The following MAP3K7CL variants were observed in gnomAD, a reference collection of about 807,000 sequenced individuals.
MAP3K7CL encodes the protein MAP3K7 C-terminal-like protein.
Under a neutral mutation model 18.6 loss-of-function variants are expected in MAP3K7CL, and 16 were observed. The observed-to-expected ratio is 0.86, with a 90% CI of 0.58 to 1.31. MAP3K7CL has a LOEUF of 1.31. Among genes scored for constraint, MAP3K7CL ranks in the 50% most tolerant of loss-of-function variants. MAP3K7CL has a pLI of 0.00. For missense variants in MAP3K7CL, 163 were observed against 174.4 expected, an observed-to-expected ratio of 0.93 and a Z score of 0.37; for synonymous variants, 65 against 66.8, an observed-to-expected ratio of 0.97 and a Z score of 0.13.
intron 4 of MAP3K7CL, 29 bp from the exon 5 acceptor site, chr21:29,174,683 T>G: frequency 1.2e-6 from 2 of 1,611,372 alleles, no homozygotes; most frequent in Non-Finnish European, 8.5e-7. Context: ...ATTCTGTGCT[T>G]CTTCCTGCCC....
intron 4 of MAP3K7CL, among the ~76,000 whole-genome samples, chr21:29,170,235 A>G (rs1250190650): frequency 2.6e-5 from 4 of 152,246 alleles, no homozygotes; most frequent in African/African-American, 9.6e-5. Flanking sequence ...GGATGTCTGT[A>G]TAATTACTTA....
chr21:29,133,019 G>A (rs2832207), intron 1 of MAP3K7CL, among the ~76,000 whole-genome samples: 30,806 of 151,984 alleles, frequency 0.2, 3,688 homozygotes, highest in East Asian at 0.4. Flanking sequence ...GAACTGGTCC[G>A]TGTAAAAAGA....
At chr21:29,116,690 T>C (rs1271986927) in intron 4 of MAP3K7CL, among the ~76,000 whole-genome samples, 3 of 152,194 alleles carry the variant, frequency 2.0e-5, no homozygotes, top group Non-Finnish European at 4.4e-5. Context: ...GGGAATGTCA[T>C]TCTTGTTCAT....
At chr21:29,107,468 G>T (rs778994192) in intron 4 of MAP3K7CL, among the ~76,000 whole-genome samples, 1 of 152,082 alleles carries the variant, frequency 6.6e-6, no homozygotes, top group African/African-American at 2.4e-5. Flanking sequence ...TTTTGTTTCC[G>T]CAGGAAAAGT....
chr21:29,091,423 TTAA>T (rs2146500224), intron 1 of MAP3K7CL: 1 of 614,808 alleles, frequency 1.6e-6, no homozygotes, highest in East Asian at 2.7e-5. Context: ...GGTATAGCTC[TTAA>T]TAAAAGTCCT....
At chr21:29,085,798 C>T, upstream of MAP3K7CL, 2 of 1,536,762 alleles carry the variant, frequency 1.3e-6, no homozygotes, top group African/African-American at 1.4e-5. Flanking sequence ...AATCATAACT[C>T]TCTATATCCC....
intron 3 of MAP3K7CL, among the ~76,000 whole-genome samples, chr21:29,157,842 C>G (rs922049254): frequency 2.0e-5 from 3 of 152,180 alleles, no homozygotes; most frequent in African/African-American, 7.2e-5. Context: ...TATTAATGTA[C>G]TTTTCAGTTT....
At chr21:29,084,439 G>A (rs1231162121), upstream of MAP3K7CL, among the ~76,000 whole-genome samples, 2 of 152,112 alleles carry the variant, frequency 1.3e-5, no homozygotes, top group Admixed American at 1.3e-4. Context: ...TTTGTAGTTG[G>A]ATTAGTAACG....
At chr21:29,109,134 G>C (rs1223138552) in intron 4 of MAP3K7CL, 1 of 1,535,400 alleles carries the variant, frequency 6.5e-7, no homozygotes, top group Admixed American at 2.0e-5. Context: ...GACTGAAGAT[G>C]CTTGTTTCTT....
At position 29,161,848 on chromosome 21, in the gene MAP3K7CL, C is replaced by A. The variant is rs181215121; in HGVS notation, c.248+1792C>A. Among the ~76,000 whole-genome samples the A allele has an allele frequency of 3.5e-3, 535 of 152,252 alleles. 13 individuals are homozygous for A. Among genetic ancestry groups the A allele is most frequent in the Non-Finnish European group, 8.7e-4 (59 of 68,018 alleles). On this transcript the variant is annotated intron_variant, in intron 4 of 4. Coordinates refer to ENST00000399928, the MANE Select transcript of MAP3K7CL (RefSeq NM_001286620.2). The stretch of plus-strand genomic sequence containing the variant: ...ATGGTGGACAGTATGGGTTTTGGGG[C>A]CAGACTTCTGCAAAACCTCAGTTAG...
At chr21:29,116,869 C>A (rs1056240120) in intron 4 of MAP3K7CL, among the ~76,000 whole-genome samples, 1 of 152,080 alleles carries the variant, frequency 6.6e-6, no homozygotes, top group Non-Finnish European at 1.5e-5. Context: ...TTTTCATGTT[C>A]AGGAATGATT....
intron 4 of MAP3K7CL, among the ~76,000 whole-genome samples, chr21:29,108,478 T>C (rs2086363096): frequency 6.6e-6 from 1 of 152,228 alleles, no homozygotes; most frequent in South Asian, 2.1e-4. Context: ...TTTTGACACC[T>C]ACTGCCAAAT....
At chr21:29,159,890 A>G (rs1473736118) in intron 3 of MAP3K7CL, 51 bp from the exon 4 acceptor site, 1 of 1,468,580 alleles carries the variant, frequency 6.8e-7, no homozygotes, top group African/African-American at 1.4e-5. Context: ...ATGGTTGGTA[A>G]TTTATCCTGA....
chr21:29,159,863 G>A, intron 3 of MAP3K7CL, 78 bp from the exon 4 acceptor site: 2 of 1,103,036 alleles, frequency 1.8e-6, no homozygotes, highest in Non-Finnish European at 2.7e-6. Flanking sequence ...TTCGTTTAAA[G>A]AACATCAGCG....
chr21:29,170,402 C>G (rs1477282656), intron 4 of MAP3K7CL, among the ~76,000 whole-genome samples: 2 of 152,118 alleles, frequency 1.3e-5, no homozygotes, highest in Non-Finnish European at 2.9e-5. Context: ...GATTTTTTAT[C>G]TCTGACAATC....
At chr21:29,129,413 T>C (rs1448106326), upstream of MAP3K7CL, among the ~76,000 whole-genome samples, 1 of 152,238 alleles carries the variant, frequency 6.6e-6, no homozygotes, top group Non-Finnish European at 1.5e-5. Context: ...TTTTCTAGAA[T>C]GTCATGTTGT....
chr21:29,175,003 C>T lies in MAP3K7CL; in HGVS notation c.*111C>T. 1 of 1,050,200 alleles carries T rather than the reference C, an allele frequency of 9.5e-7. No individual in the cohort carries two copies. Among genetic ancestry groups the T allele is most frequent in the Non-Finnish European group, 1.4e-6 (1 of 739,174 alleles). The allele number at this position is 1,050,200 out of a possible 1,614,324, so 65.1% of individuals were successfully genotyped here. On this transcript the variant is annotated 3_prime_UTR_variant, in exon 5 of 5. Transcript: ENST00000399928. ...AGATCTATTGCTTCTCTGTATTACC[C>T]ACATGACAACTGTCTATAATGAGTT... is the stretch of plus-strand genomic sequence containing the variant.
chr21:29,101,259 A>G (rs1488603392), intron 4 of MAP3K7CL, among the ~76,000 whole-genome samples: 6 of 152,024 alleles, frequency 3.9e-5, no homozygotes, highest in Non-Finnish European at 8.8e-5. Context: ...ATTGGAGACC[A>G]TTTTCCAGGC....
chr21:29,157,941 G>A (rs1306344305), intron 3 of MAP3K7CL, among the ~76,000 whole-genome samples: 1 of 152,182 alleles, frequency 6.6e-6, no homozygotes, highest in African/African-American at 2.4e-5. Flanking sequence ...TTTATGTAGA[G>A]TTCTAGAACT....
Sources: allele counts gnomAD v4.1 joint callset (sites outside exome capture counted in the v4.1 genomes callset), GRCh38; gene constraint gnomAD v4.1.1; transcripts MANE v1.5; gene names NCBI Gene and HGNC (gene_info 2026-07-23, HGNC 2026-07-21).